The following RYR1 variants were observed in gnomAD, a reference collection of about 807,000 sequenced individuals.
The protein encoded by RYR1 is central core disease of muscle.
In RYR1, 342 loss-of-function variants were observed where a neutral mutation model predicts 583.5. The ratio of observed to expected loss-of-function variants is 0.59; its 90% confidence interval spans 0.54 to 0.64. RYR1 has a LOEUF of 0.64. Ranked by LOEUF, RYR1 falls within the 30% of genes least tolerant of loss-of-function variation. The pLI, the probability that RYR1 is intolerant of heterozygous loss-of-function variation, is 0.00. For synonymous variants in RYR1, 2,791 were observed against 2,822.5 expected (o/e 0.99, Z 0.35); for missense variants, 6,032 against 6,917.2 (o/e 0.87, Z 4.54).
intron 1 of RYR1, among the ~76,000 whole-genome samples, chr19:38,438,666 T>TCGAGTTCAGTGGTG (rs1972535569): frequency 1.6e-5 from 2 of 124,658 alleles, no homozygotes; most frequent in South Asian, 5.8e-4. Flanking sequence ...TCACCCAGGC[T>TCGAGTTCAGTGGTG]CGAGTTCAGT....
intron 60 of RYR1, 32 bp downstream of exon 60, chr19:38,510,813 CT>C: frequency 2.5e-6 from 4 of 1,613,646 alleles, no homozygotes; most frequent in Non-Finnish European, 3.4e-6. Flanking sequence ...ACCCAGCCCC[CT>C]GACCTCACAG....
intron 79 of RYR1, 98 bp from the exon 80 acceptor site, chr19:38,535,043 C>T: frequency 1.6e-6 from 2 of 1,272,014 alleles, no homozygotes; most frequent in Non-Finnish European, 2.2e-6. Context: ...ACTCTTAAAT[C>T]CCCTTCTCTC....
In RYR1 at chr19:38,457,732, C is replaced by T. The variant is rs577922221; in HGVS notation, c.1925+102C>T. 8.0e-6 allele frequency: 10 copies of T among 1,255,916 alleles called. No individual in the cohort carries two copies. In the South Asian group the frequency reaches 1.2e-4, roughly 15 times the overall value. The allele number at this position is 1,255,916 out of a possible 1,614,324, so 77.8% of individuals were successfully genotyped here. A position where few individuals can be genotyped will look rare whatever the true frequency, so the allele number is the denominator to read the frequency against. On this transcript the variant is annotated intron_variant, in intron 17 of 105. Coordinates refer to ENST00000359596, the MANE Select transcript of RYR1 (RefSeq NM_000540.3). Reference sequence around the variant, plus strand: ...TGGATGTCCTTTCCTTAATCTCCCACCCCAGGGTTAACAACCAGTCCTCAC... The same window carrying T: ...TGGATGTCCTTTCCTTAATCTCCCATCCCAGGGTTAACAACCAGTCCTCAC...
At chr19:38,505,132 C>A (rs750478954) in intron 52 of RYR1, 51 bp downstream of exon 52, 1 of 1,544,298 alleles carries the variant, frequency 6.5e-7, no homozygotes, top group Non-Finnish European at 9.0e-7. Flanking sequence ...CCCAGCTTTC[C>A]CCCCGACCTG....
intron 89 of RYR1, among the ~76,000 whole-genome samples, chr19:38,549,589 T>C (rs1036022529): frequency 7.2e-5 from 11 of 152,122 alleles, no homozygotes; most frequent in Admixed American, 4.6e-4. Context: ...ACTTCAGGTT[T>C]ATAGAGACGT....
Position 38,561,103 on chromosome 19 carries a change from C to T in RYR1, c.12283-10C>T. ...CAGGTCACCCCACTGACCTCCCTGCCCGCCCCCAGGCCATGGACAGCCAGA... is the reference window on the plus strand; with the variant it reads ...CAGGTCACCCCACTGACCTCCCTGCTCGCCCCCAGGCCATGGACAGCCAGA... On this transcript the variant is annotated splice_polypyrimidine_tract_variant and intron_variant, in intron 89 of 105. Transcript: ENST00000359596. The surrounding 1 kb of genome is among the most constrained non-coding windows in gnomAD (Gnocchi z 4.8). The T allele has an allele frequency of 6.2e-7, 1 of 1,613,878 alleles. No homozygotes were observed. The highest frequency in any genetic ancestry group is 8.5e-7 in the Non-Finnish European group (1 of 1,179,848).
intron 24 of RYR1, among the ~76,000 whole-genome samples, chr19:38,467,177 A>G (rs2145451425): frequency 6.6e-6 from 1 of 152,172 alleles, no homozygotes; most frequent in South Asian, 2.1e-4. Flanking sequence ...AACCCTGGCC[A>G]TGGTCCCCAA....
rs772107322 is a variant in RYR1, at chr19:38,504,356, A to G, written c.8063A>G (p.His2688Arg). 1 of 1,614,112 alleles carries G rather than the reference A, an allele frequency of 6.2e-7. No individual in the cohort carries two copies. The highest frequency in any genetic ancestry group is 8.5e-7 in the Non-Finnish European group (1 of 1,180,002). ...TGGGGCATCTTTGACTCTCTGGCCC[A>G]TAAGGTCTGGGCAGCAGGGAGCCCC... ...LFWGIFDSLA[H>R]KKYDPELYRM... The change falls in exon 50 of 106, where the codon CAT (histidine) becomes CGT (arginine). Residue 2688 changes from histidine (H) to arginine (R), a missense_variant. Physicochemically the swap from His to Arg is conservative, Grantham distance 29 (BLOSUM62 0). Around this residue, in one of 11 missense-constraint regions of RYR1, gnomAD observed 1,493 missense variants for 1,715.5 expected, o/e 0.87. Coordinates refer to ENST00000359596, the MANE Select transcript of RYR1 (RefSeq NM_000540.3).
Position 38,580,145 on chromosome 19 carries a change from G to A in RYR1, c.14511+17G>A. ...GGGAAACAGGTGTGGGGAGGACCTG[G>A]CTGTGGGGCGTGGGCCAGCAGGGAC... On this transcript the variant is annotated intron_variant, in intron 100 of 105. Coordinates refer to ENST00000359596, the MANE Select transcript of RYR1 (RefSeq NM_000540.3). 6.2e-7 allele frequency: 1 copy of A among 1,614,084 alleles called. No homozygotes were observed. The highest frequency in any genetic ancestry group is 8.5e-7 in the Non-Finnish European group (1 of 1,180,030).
intron 24 of RYR1, 30 bp from the exon 25 acceptor site, chr19:38,467,580 C>G: frequency 6.2e-7 from 1 of 1,612,356 alleles, no homozygotes; most frequent in Non-Finnish European, 8.5e-7. Context: ...CTTCCCTAGC[C>G]TCTCTGACTC....
chr19:38,574,188 A>C (rs768660905), intron 96 of RYR1, among the ~76,000 whole-genome samples: 2 of 141,738 alleles, frequency 1.4e-5, no homozygotes, highest in African/African-American at 2.6e-5. Flanking sequence ...TAAACCTGCG[A>C]GGTGGAGGTT....
intron 31 of RYR1, 32 bp downstream of exon 31, chr19:38,478,632 C>T: frequency 6.2e-7 from 1 of 1,602,954 alleles, no homozygotes. Flanking sequence ...TTAGCGAGAG[C>T]ATCATGTCCC....
chr19:38,523,771 G>A, intron 69 of RYR1, 144 bp from the exon 70 acceptor site: 1 of 1,064,950 alleles, frequency 9.4e-7, no homozygotes, highest in Non-Finnish European at 1.4e-6. Flanking sequence ...CCCACCCCGA[G>A]CCAAGGCCTG....
rs753882985 is a variant in RYR1 at position 38,561,178 on chromosome 19, G to A, written c.12348G>A (p.Ala4116=). ...EIQFLLSCSE[A]DENEMINCEE... The stretch of plus-strand genomic sequence containing the variant: ...AGTTCCTGCTTTCGTGCTCCGAAGC[G>A]GATGAGAACGAAATGATCAACTGCG... Residue 4116 remains alanine (A), a synonymous_variant, in exon 90 of 106, where the codon GCG becomes GCA. Coordinates refer to ENST00000359596, the MANE Select transcript of RYR1 (RefSeq NM_000540.3). This position sits in a 1 kb window ranked among gnomAD's most constrained non-coding sequence, Gnocchi z 4.8. 1.3e-5 allele frequency: 21 copies of A among 1,614,054 alleles called. No homozygotes were observed. The Admixed American group carries it at 3.2e-4, about 24-fold the overall frequency.
At chr19:38,549,698 C>CTTTTTTT (rs71165559) in intron 89 of RYR1, among the ~76,000 whole-genome samples, 6 of 52,434 alleles carry the variant, frequency 1.1e-4, no homozygotes, top group Admixed American at 2.8e-4. Flanking sequence ...CTTTCCTTTC[C>CTTTTTTT]TTTTTTTTTT....
At chr19:38,558,058 C>T (rs952693811) in intron 89 of RYR1, among the ~76,000 whole-genome samples, 9 of 151,918 alleles carry the variant, frequency 5.9e-5, no homozygotes, top group African/African-American at 1.5e-4. Flanking sequence ...CCTGTAATCT[C>T]GATACTTTGG....
intron 42 of RYR1, among the ~76,000 whole-genome samples, chr19:38,497,262 A>G (rs1299676448): frequency 6.7e-6 from 1 of 149,220 alleles, no homozygotes; most frequent in South Asian, 2.1e-4. Context: ...CGCAGTCTAC[A>G]CTTCCGGGCT....
intron 2 of RYR1, among the ~76,000 whole-genome samples, chr19:38,441,253 C>CG (rs1434248935): frequency 6.2e-5 from 1 of 16,076 alleles, no homozygotes; most frequent in Non-Finnish European, 1.1e-4. Flanking sequence ...AACTGAGGGA[C>CG]GGCTGGGGCG....
At position 38,561,317 on chromosome 19, in the gene RYR1, CTGGAGCTG is replaced by C; in HGVS notation, c.12488_12495del (p.Leu4163ArgfsTer6). On this transcript the variant is annotated frameshift_variant, in exon 90 of 106. Coordinates refer to ENST00000359596, the MANE Select transcript of RYR1 (RefSeq NM_000540.3). LOFTEE classifies it high-confidence loss of function. The surrounding 1 kb of genome is among the most constrained non-coding windows in gnomAD (Gnocchi z 4.8). ...GCATGACCCTCGCCTGCACAACTTC[CTGGAGCTG>C]GCCGAGAGCATCCTTGAGTACTTCC... 6.2e-7 allele frequency: 1 copy of C among 1,614,072 alleles called. No individual in the cohort carries two copies. Among genetic ancestry groups the C allele is most frequent in the Non-Finnish European group, 8.5e-7 (1 of 1,180,040 alleles).
Sources: gnomAD v4.1 joint callset for allele counts (sites outside exome capture counted in the v4.1 genomes callset) on GRCh38, gnomAD v4.1.1 for gene constraint, gnomAD v4.1.1 regional missense constraint, Gnocchi (gnomAD v3.1) non-coding constraint, MANE v1.5 for transcripts, NCBI Gene and HGNC (gene_info 2026-07-23, HGNC 2026-07-21) for gene names.